LHX9: variants seen among roughly 807,000 people sequenced by gnomAD.
The protein encoded by LHX9 is LIM homeobox 9, also known as LIM/homeobox protein Lhx9.
A neutral mutation model predicts 36.5 loss-of-function variants in LHX9; 9 were observed. The observed-to-expected ratio is 0.25, with a 90% CI of 0.15 to 0.43. The LOEUF (loss-of-function observed/expected upper bound fraction) is 0.43, where lower values mean the gene tolerates loss of function less well. LHX9 is among the 20% of genes least tolerant of loss of function. The pLI is 1.00. For missense variants in LHX9, 464 were observed against 526.4 expected (o/e 0.88, Z 1.16); for synonymous variants, 211 against 212.1 (o/e 0.99, Z 0.04).
Position 197,917,474 on chromosome 1 carries a change from C to G in LHX9, c.-350C>G. On this transcript the variant is annotated 5_prime_UTR_variant, in exon 1 of 5. Coordinates refer to ENST00000367387, the MANE Select transcript of LHX9 (RefSeq NM_020204.3). ...CTTTGTGTTCAAAACTATTTTCTTT[C>G]TTCACCAGATTTTGTTTTCCTCCCC... The G allele has an allele frequency of 6.7e-6, 9 of 1,349,786 alleles. No individual in the cohort carries two copies. Among genetic ancestry groups the G allele is most frequent in the Non-Finnish European group, 8.8e-6 (9 of 1,019,246 alleles). 83.6% of individuals were successfully genotyped at this position (1,349,786 alleles called of 1,614,324 possible). A position where few individuals can be genotyped will look rare whatever the true frequency, so the allele number is the denominator to read the frequency against.
chr1:197,928,150 G>T lies in LHX9; in HGVS notation c.936+357G>T, dbSNP rs145554281. Among the ~76,000 whole-genome samples, 6 of 152,304 alleles carry T rather than the reference G, an allele frequency of 3.9e-5. No homozygotes were observed. The East Asian group carries it at 9.6e-4, about 24-fold the overall frequency. ...ATGCTCAGTGCACGGACTTGAGAGGGACCTGTTGGCACTGCCTTAACTCGG... is the reference window on the plus strand; with the variant it reads ...ATGCTCAGTGCACGGACTTGAGAGGTACCTGTTGGCACTGCCTTAACTCGG... On this transcript the variant is annotated intron_variant, in intron 4 of 4. Coordinates refer to ENST00000367387, the MANE Select transcript of LHX9 (RefSeq NM_020204.3).
At chr1:197,919,805 AAG>A (rs747807139) in intron 1 of LHX9, among the ~76,000 whole-genome samples, 165 bp from the exon 2 acceptor site, 4 of 152,244 alleles carry the variant, frequency 2.6e-5, no homozygotes, top group Non-Finnish European at 4.4e-5. Context: ...GCGGGCCGCA[AAG>A]AGAGAAATCA....
upstream of LHX9, chr1:197,912,896 C>A: frequency 2.7e-6 from 1 of 367,676 alleles, no homozygotes; most frequent in Non-Finnish European, 4.9e-6. Flanking sequence ...CTCCGGGGAG[C>A]TGCTGGGGGT....
Position 197,934,292 on chromosome 1 carries a change from A to G in LHX9, c.*5033A>G, listed in dbSNP as rs1660398389. The stretch of plus-strand genomic sequence containing the variant: ...ATTAGCCACATATAAATATCATCTC[A>G]TTTTCTGTTGCAGTGTGACTGCAAG... On this transcript the variant is annotated 3_prime_UTR_variant, in exon 5 of 5. Coordinates refer to ENST00000367387, the MANE Select transcript of LHX9 (RefSeq NM_020204.3). 6.6e-6 allele frequency: 1 copy of G among 151,814 alleles called. No homozygotes were observed. Among genetic ancestry groups the G allele is most frequent in the South Asian group, 2.1e-4 (1 of 4,796 alleles). The allele number at this position is 151,814 out of a possible 1,614,324, so 9.4% of individuals were successfully genotyped here.
rs1659819443 is a variant in LHX9 at position 197,917,797 on chromosome 1, T to A, written c.-27T>A. The A allele has an allele frequency of 6.2e-7, 1 of 1,614,066 alleles. No individual in the cohort carries two copies. The highest frequency in any genetic ancestry group is 1.1e-5 in the South Asian group (1 of 91,064). On this transcript the variant is annotated 5_prime_UTR_variant, in exon 1 of 5. The change abolishes an upstream ATG in the 5' untranslated region. Coordinates refer to ENST00000367387, the MANE Select transcript of LHX9 (RefSeq NM_020204.3). ...TGGTCCCTTGCCTCCTTCACTCGGA[T>A]GAGCTGAAAGCCCCGGGCGTGTGTA...
rs1375461538 is a variant in LHX9, at chr1:197,930,706, A to C, written c.*1447A>C. On this transcript the variant is annotated 3_prime_UTR_variant, in exon 5 of 5. Coordinates refer to ENST00000367387, the MANE Select transcript of LHX9 (RefSeq NM_020204.3). ...TACATATTGACAGTTCACTGCCCAC[A>C]TTAAAGTGCATTATTGTAACTTTTG... The C allele has an allele frequency of 3.3e-5, 5 of 152,014 alleles. No individual in the cohort carries two copies. The allele number at this position is 152,014 out of a possible 1,614,324, so 9.4% of individuals were successfully genotyped here.
At chr1:197,928,600 A>G (rs767322878) in intron 4 of LHX9, among the ~76,000 whole-genome samples, 49 of 152,158 alleles carry the variant, frequency 3.2e-4, no homozygotes, top group Admixed American at 9.8e-4. Context: ...AGTGATTCTT[A>G]CTTTGCCATA....
chr1:197,921,896 T>C lies in LHX9; in HGVS notation c.733+237T>C, dbSNP rs76661913. On this transcript the variant is annotated intron_variant, in intron 3 of 4. Coordinates refer to ENST00000367387, the MANE Select transcript of LHX9 (RefSeq NM_020204.3). This position sits in a 1 kb window ranked among gnomAD's most constrained non-coding sequence, Gnocchi z 4.6. ...AAACACATTCATAACTATGGGGCTG[T>C]AGTGACTTTCCCCAAACAGGCAGAG... Among the ~76,000 whole-genome samples the C allele has an allele frequency of 0.017, 2,591 of 152,288 alleles. 79 individuals carry two copies. Among genetic ancestry groups the C allele is most frequent in the African/African-American group, 0.058 (2,410 of 41,558 alleles).
At chr1:197,918,027 C>G in intron 1 of LHX9, 30 bp downstream of exon 1, 24 of 1,602,034 alleles carry the variant, frequency 1.5e-5, no homozygotes, top group Non-Finnish European at 2.0e-5. Flanking sequence ...CGGCGGTAGC[C>G]GGGCACCCCT....
At position 197,920,157 on chromosome 1, in the gene LHX9, C is replaced by T; in HGVS notation, c.360C>T (p.Cys120=). The T allele has an allele frequency of 6.2e-7, 1 of 1,614,176 alleles. No homozygotes were observed. Among genetic ancestry groups the T allele is most frequent in the Non-Finnish European group, 8.5e-7 (1 of 1,180,010 alleles). Residue 120 remains cysteine (C), a synonymous_variant, in exon 2 of 5, where the codon TGC becomes TGT. Transcript: ENST00000367387. ...TCFAKDGSIY[C]KEDYYRRFSV... The stretch of plus-strand genomic sequence containing the variant: ...TTGCCAAGGACGGTAGCATTTACTG[C>T]AAGGAGGATTACTACAGGTACTCCC...
chr1:197,923,053 C>T (rs140385180), intron 3 of LHX9, among the ~76,000 whole-genome samples: 236 of 152,354 alleles, frequency 1.5e-3, no homozygotes, highest in African/African-American at 5.5e-3. Context: ...GTTGGGCTCT[C>T]TCCTGGGGTT....
intron 1 of LHX9, chr1:197,918,790 T>C (rs1659862741): frequency 3.9e-5 from 1 of 25,780 alleles, no homozygotes; most frequent in Admixed American, 5.7e-4. Flanking sequence ...CTTTCCAGAT[T>C]ACTAACGGGG....
Position 197,933,077 on chromosome 1 carries a change from T to A in LHX9, c.*3818T>A, listed in dbSNP as rs1287639306. ...CAAATATTTAGGAATGAGGTTTTTTTTAATTGTTAAAGGGAATATTTGAAG... is the reference window on the plus strand; with the variant it reads ...CAAATATTTAGGAATGAGGTTTTTTATAATTGTTAAAGGGAATATTTGAAG... On this transcript the variant is annotated 3_prime_UTR_variant, in exon 5 of 5. Coordinates refer to ENST00000367387, the MANE Select transcript of LHX9 (RefSeq NM_020204.3). 6.6e-6 allele frequency: 1 copy of A among 151,996 alleles called. No homozygotes were observed. The highest frequency in any genetic ancestry group is 1.5e-5 in the Non-Finnish European group (1 of 67,912). 9.4% of individuals were successfully genotyped at this position (151,996 alleles called of 1,614,324 possible).
In LHX9 at chr1:197,935,418, C is replaced by T. The variant is rs1273116599; in HGVS notation, c.*6159C>T. 1.3e-5 allele frequency: 2 copies of T among 151,954 alleles called. No homozygotes were observed. Among genetic ancestry groups the T allele is most frequent in the African/African-American group, 4.8e-5 (2 of 41,368 alleles). 9.4% of individuals were successfully genotyped at this position (151,954 alleles called of 1,614,324 possible). On this transcript the variant is annotated 3_prime_UTR_variant, in exon 5 of 5. Coordinates refer to ENST00000367387, the MANE Select transcript of LHX9 (RefSeq NM_020204.3). ...CATTTTGCATGATCTTATAAATTAA[C>T]CTGAAGAGTAATTGGATACCTTTTA...
Position 197,930,134 on chromosome 1 carries a change from C to T in LHX9, c.*875C>T, listed in dbSNP as rs1660288026. 1.2e-6 allele frequency: 1 copy of T among 845,854 alleles called. No individual in the cohort carries two copies. The highest frequency in any genetic ancestry group is 1.8e-5 in the African/African-American group (1 of 54,372). The allele number at this position is 845,854 out of a possible 1,614,324, so 52.4% of individuals were successfully genotyped here. ...ATAATGTTTTAAGAAGTAAAAAAATCAATATAATTTAATTAATAGCTCTAT... is the reference window on the plus strand; with the variant it reads ...ATAATGTTTTAAGAAGTAAAAAAATTAATATAATTTAATTAATAGCTCTAT... On this transcript the variant is annotated 3_prime_UTR_variant, in exon 5 of 5. Transcript: ENST00000367387.
In LHX9 at chr1:197,921,517, G is replaced by T. The variant is rs906915199; in HGVS notation, c.591G>T (p.Pro197=). 5.6e-6 allele frequency: 9 copies of T among 1,613,976 alleles called. No individual in the cohort carries two copies. Residue 197 remains proline (P), a synonymous_variant, in exon 3 of 5, where the codon CCG becomes CCT. Coordinates refer to ENST00000367387, the MANE Select transcript of LHX9 (RefSeq NM_020204.3). The surrounding 1 kb of genome is among the most constrained non-coding windows in gnomAD (Gnocchi z 4.6). ...CCCTCTTGCAAGGAGAGTATCCACC[G>T]CAGCTGAGCTACACGGAGCTGGCGG... ...FETLLQGEYP[P]QLSYTELAAK...
chr1:197,924,320 A>G (rs1018845480), intron 3 of LHX9, among the ~76,000 whole-genome samples: 1 of 152,246 alleles, frequency 6.6e-6, no homozygotes, highest in Admixed American at 6.5e-5. Flanking sequence ...AATTTACACA[A>G]TATGTTTTCA....
In LHX9 at chr1:197,917,375, C is replaced by T. The variant is rs1480627079; in HGVS notation, c.-449C>T. The T allele has an allele frequency of 7.7e-7, 1 of 1,306,026 alleles. No homozygotes were observed. The highest frequency in any genetic ancestry group is 1.0e-6 in the Non-Finnish European group (1 of 990,910). 80.9% of individuals were successfully genotyped at this position (1,306,026 alleles called of 1,614,324 possible). A position where few individuals can be genotyped will look rare whatever the true frequency, so the allele number is the denominator to read the frequency against. ...TGGACACAGCTCAGGCAGGAGCAGTCCCCAACCCAATCTACAGGCACTGGG... is the reference window on the plus strand; with the variant it reads ...TGGACACAGCTCAGGCAGGAGCAGTTCCCAACCCAATCTACAGGCACTGGG... On this transcript the variant is annotated 5_prime_UTR_variant, in exon 1 of 5. Transcript: ENST00000367387.
intron 3 of LHX9, among the ~76,000 whole-genome samples, chr1:197,923,322 T>A (rs1434787432): frequency 2.0e-5 from 3 of 152,348 alleles, no homozygotes; most frequent in South Asian, 2.1e-4. Context: ...GCCCTCACAC[T>A]GGCCCCTGCT....
Sources: gnomAD v4.1 joint callset for allele counts (sites outside exome capture counted in the v4.1 genomes callset) on GRCh38, gnomAD v4.1.1 for gene constraint, Gnocchi (gnomAD v3.1) non-coding constraint, MANE v1.5 for transcripts, NCBI Gene and HGNC (gene_info 2026-07-23, HGNC 2026-07-21) for gene names.